The following TRAK1 variants were observed in gnomAD, a reference collection of about 807,000 sequenced individuals.
TRAK1 encodes trafficking kinesin-binding protein 1.
In TRAK1, 33 loss-of-function variants were observed where a neutral mutation model predicts 92.1. That is an observed-to-expected ratio of 0.36 (90% confidence interval 0.27 to 0.48). TRAK1 has a LOEUF of 0.48. TRAK1 is among the 20% of genes least tolerant of loss of function. The pLI, the probability that TRAK1 is intolerant of heterozygous loss-of-function variation, is 0.99. For missense variants in TRAK1, 1,123 were observed against 1,257.9 expected (o/e 0.89, Z 1.62); for synonymous variants, 521 against 517.3 (o/e 1.01, Z -0.10).
At chr3:42,046,157 G>A (rs1702741244) in intron 1 of TRAK1, among the ~76,000 whole-genome samples, 1 of 152,080 alleles carries the variant, frequency 6.6e-6, no homozygotes, top group African/African-American at 2.4e-5. Flanking sequence ...AGTAATGTGT[G>A]TTCTGGGCCA....
At chr3:42,118,538 C>T (rs1291553045) in intron 1 of TRAK1, among the ~76,000 whole-genome samples, 1 of 152,250 alleles carries the variant, frequency 6.6e-6, no homozygotes, top group African/African-American at 2.4e-5. Flanking sequence ...CAGTGCAAAT[C>T]CCTAGACGGA....
intron 1 of TRAK1, among the ~76,000 whole-genome samples, chr3:42,063,399 G>C (rs1220948612): frequency 6.6e-6 from 1 of 152,214 alleles, no homozygotes. Flanking sequence ...CTTTTGTAAA[G>C]GTGGGGCTGG....
At chr3:42,222,654 C>A (rs371116553) in intron 15 of TRAK1, among the ~76,000 whole-genome samples, 1 of 152,222 alleles carries the variant, frequency 6.6e-6, no homozygotes, top group African/African-American at 2.4e-5. Context: ...ACCAAGTAAA[C>A]CCTTAGCTCT....
chr3:42,162,510 G>A (rs1012836988), intron 2 of TRAK1, among the ~76,000 whole-genome samples: 7 of 152,118 alleles, frequency 4.6e-5, no homozygotes, highest in Non-Finnish European at 1.0e-4. Flanking sequence ...CATAGATAAT[G>A]CATTTTCTAA....
chr3:42,222,792 C>CG, intron 15 of TRAK1, 150 bp from the exon 16 acceptor site: 1 of 735,696 alleles, frequency 1.4e-6, no homozygotes, highest in South Asian at 1.8e-5. Context: ...GAGGAGCAGA[C>CG]GTGGACAGAG....
chr3:42,045,180 A>G (rs1339677873), intron 1 of TRAK1, among the ~76,000 whole-genome samples: 2 of 152,162 alleles, frequency 1.3e-5, no homozygotes, highest in Non-Finnish European at 2.9e-5. Flanking sequence ...AAGGAAACCT[A>G]CTGTGGGAAC....
chr3:42,221,873 G>C (rs983478049), intron 15 of TRAK1: 1 of 152,100 alleles, frequency 6.6e-6, no homozygotes, highest in Non-Finnish European at 1.5e-5. Context: ...TAGCCAATGA[G>C]GTTTATTACT....
At position 42,040,730 on chromosome 3, in the gene TRAK1, C is replaced by T. The variant is rs116973957; in HGVS notation, c.-519+26613C>T. Among the ~76,000 whole-genome samples the T allele has an allele frequency of 6.9e-3, 1,042 of 150,634 alleles. 55 individuals carry two copies. The East Asian group carries it at 0.14, about 20-fold the overall frequency. On this transcript the variant is annotated intron_variant, in intron 1 of 16. Coordinates refer to the TRAK1 transcript ENST00000487159. The stretch of plus-strand genomic sequence containing the variant: ...CTCACTCTGTCACCCAGGCTAGAAG[C>T]GCAGTGGCACGGATCTCGGCTCACT...
At chr3:42,026,199 G>A (rs1165833217) in intron 1 of TRAK1, among the ~76,000 whole-genome samples, 1 of 152,170 alleles carries the variant, frequency 6.6e-6, no homozygotes, top group Admixed American at 6.5e-5. Flanking sequence ...AGAGGCACAT[G>A]AAGAAAGTTT....
intron 2 of TRAK1, chr3:42,149,702 G>C (rs1432360297): frequency 5.2e-5 from 75 of 1,444,958 alleles, no homozygotes; most frequent in Non-Finnish European, 6.8e-5. Flanking sequence ...GCGGCTGGCG[G>C]GTGGGAGGTA....
intron 1 of TRAK1, among the ~76,000 whole-genome samples, chr3:42,029,115 C>CT (rs1419995079): frequency 6.6e-6 from 1 of 152,094 alleles, no homozygotes; most frequent in Non-Finnish European, 1.5e-5. Context: ...GTGCTACACA[C>CT]TTTTAAACAG....
chr3:42,218,717 A>T, intron 14 of TRAK1: 1 of 985,420 alleles, frequency 1.0e-6, no homozygotes, highest in South Asian at 4.7e-5. Context: ...CATTAAAAGG[A>T]AGTAAATTGA....
At chr3:42,091,270 A>G, upstream of TRAK1, 1 of 551,278 alleles carries the variant, frequency 1.8e-6, no homozygotes, top group Non-Finnish European at 3.1e-6. Context: ...ATGAGCTGAT[A>G]GGGTTCCCAG....
chr3:42,098,508 G>T (rs972410573), intron 1 of TRAK1, among the ~76,000 whole-genome samples: 1 of 152,186 alleles, frequency 6.6e-6, no homozygotes, highest in Non-Finnish European at 1.5e-5. Flanking sequence ...TCAATAACGT[G>T]AAGCAGGAAG....
chr3:42,161,479 C>T (rs1272688641), intron 2 of TRAK1, among the ~76,000 whole-genome samples: 3 of 152,046 alleles, frequency 2.0e-5, no homozygotes, highest in Admixed American at 1.3e-4. Context: ...TGGGCTCAAG[C>T]GATCCTCCCA....
chr3:42,219,572 A>T lies in TRAK1; in HGVS notation c.2042A>T (p.Asp681Val). ...ACCTGTCGCATCCTGCATCCTTCAG[A>T]TGAGCTCACTCGGGTCACACCAAGG... ...FTTCRILHPS[D>V]ELTRVTPSLN... The change falls in exon 15 of 16, where the codon GAT (aspartate) becomes GTT (valine). Residue 681 changes from aspartate to valine, a missense_variant. Physicochemically the swap from Asp to Val is radical, Grantham distance 152. Coordinates refer to ENST00000327628, the MANE Select transcript of TRAK1 (RefSeq NM_001042646.3). 7.1e-7 allele frequency: 1 copy of T among 1,399,362 alleles called. No individual in the cohort carries two copies. The highest frequency in any genetic ancestry group is 9.6e-7 in the Non-Finnish European group (1 of 1,043,782). 86.7% of individuals were successfully genotyped at this position (1,399,362 alleles called of 1,614,324 possible).
chr3:42,168,786 G>C (rs2149332470), intron 2 of TRAK1, among the ~76,000 whole-genome samples: 1 of 151,950 alleles, frequency 6.6e-6, no homozygotes, highest in East Asian at 1.9e-4. Context: ...TGTCCAGGCT[G>C]GTCTCAAACT....
At chr3:42,036,419 T>C (rs764757017) in intron 1 of TRAK1, among the ~76,000 whole-genome samples, 2 of 152,334 alleles carry the variant, frequency 1.3e-5, no homozygotes, top group South Asian at 2.1e-4. Flanking sequence ...CGGTGTGTGT[T>C]CCTCTTACAG....
At chr3:42,165,654 A>G (rs1701768679) in intron 2 of TRAK1, among the ~76,000 whole-genome samples, 1 of 152,126 alleles carries the variant, frequency 6.6e-6, no homozygotes, top group Non-Finnish European at 1.5e-5. Flanking sequence ...TTGTTAATGT[A>G]GTGTCATCGG....
Sources: allele counts gnomAD v4.1 joint callset (sites outside exome capture counted in the v4.1 genomes callset), GRCh38; gene constraint gnomAD v4.1.1; transcripts MANE v1.5; gene names NCBI Gene and HGNC (gene_info 2026-07-23, HGNC 2026-07-21).